PDSS2: variants seen among roughly 807,000 people sequenced by gnomAD.
PDSS2 encodes all trans-polyprenyl-diphosphate synthase PDSS2.
Under a neutral mutation model 44.5 loss-of-function variants are expected in PDSS2, and 31 were observed. The observed-to-expected ratio is 0.70, with a 90% CI of 0.52 to 0.94. PDSS2 has a LOEUF of 0.94. PDSS2 is among the 40% of genes least tolerant of loss of function. The probability of loss-of-function intolerance (pLI) is 0.00; values close to 1 mark genes in which losing one functional copy is unlikely to be tolerated. For missense variants in PDSS2, 452 were observed against 482.2 expected, an observed-to-expected ratio of 0.94 and a Z score of 0.59; for synonymous variants, 157 against 180.3, an observed-to-expected ratio of 0.87 and a Z score of 1.03.
rs1770799944 is a variant in PDSS2, at chr6:107,154,087, A to G, written c.*532T>C. On this transcript the variant is annotated 3_prime_UTR_variant, in exon 8 of 8. Coordinates refer to ENST00000369037, the MANE Select transcript of PDSS2 (RefSeq NM_020381.4). ...CAAAACTACATCTAAAAAAAAAATA[A>G]TAATAATCCAGAGACATAATTACAA... is the stretch of plus-strand genomic sequence containing the variant. The G allele has an allele frequency of 6.4e-6, 1 of 156,388 alleles. No individual in the cohort carries two copies. The highest frequency in any genetic ancestry group is 1.4e-5 in the Non-Finnish European group (1 of 70,730). 9.7% of individuals were successfully genotyped at this position (156,388 alleles called of 1,614,324 possible).
intron 2 of PDSS2, among the ~76,000 whole-genome samples, chr6:107,279,599 G>A (rs987589762): frequency 6.6e-6 from 1 of 152,142 alleles, no homozygotes; most frequent in South Asian, 2.1e-4. Context: ...GAGGGGGACT[G>A]GAGCAACACA....
At chr6:107,360,831 G>A (rs1778749792) in intron 1 of PDSS2, among the ~76,000 whole-genome samples, 1 of 152,172 alleles carries the variant, frequency 6.6e-6, no homozygotes, top group Non-Finnish European at 1.5e-5. Flanking sequence ...TCCAACATTA[G>A]AAATTTGGAC....
At chr6:107,234,884 A>G (rs1255857252) in intron 4 of PDSS2, among the ~76,000 whole-genome samples, 2 of 152,220 alleles carry the variant, frequency 1.3e-5, no homozygotes, top group African/African-American at 2.4e-5. Flanking sequence ...AAAAGTCATT[A>G]TAACATAAAT....
chr6:107,192,890 G>T (rs903743666), intron 7 of PDSS2, among the ~76,000 whole-genome samples: 1 of 152,172 alleles, frequency 6.6e-6, no homozygotes, highest in Non-Finnish European at 1.5e-5. Context: ...GAGGTTCCAG[G>T]TCAGCTCTGG....
intron 6 of PDSS2, among the ~76,000 whole-genome samples, chr6:107,205,136 C>T (rs1194229188): frequency 1.3e-5 from 2 of 152,304 alleles, no homozygotes; most frequent in Non-Finnish European, 2.9e-5. Context: ...TTCACGCACA[C>T]CAGTCTTGCC....
chr6:107,352,211 G>A (rs1269658339), intron 1 of PDSS2, among the ~76,000 whole-genome samples: 1 of 151,946 alleles, frequency 6.6e-6, no homozygotes. Context: ...TTATAAGGAT[G>A]GACCATGACT....
At chr6:107,269,333 C>CATGTGTCT (rs1775513637) in intron 3 of PDSS2, among the ~76,000 whole-genome samples, 4 of 80,288 alleles carry the variant, frequency 5.0e-5, no homozygotes, top group Admixed American at 4.9e-4. Context: ...AATCTCATTT[C>CATGTGTCT]GTGTGTCTGT....
At chr6:107,458,649 T>C (rs955640870) in intron 1 of PDSS2, among the ~76,000 whole-genome samples, 1 of 143,258 alleles carries the variant, frequency 7.0e-6, no homozygotes, top group Non-Finnish European at 1.5e-5. Context: ...TCTATCCCAT[T>C]AAAAAAAAAA....
chr6:107,434,584 T>C (rs1329125843), intron 1 of PDSS2, among the ~76,000 whole-genome samples: 2 of 152,144 alleles, frequency 1.3e-5, no homozygotes, highest in African/African-American at 4.8e-5. Flanking sequence ...AGTAGAATGA[T>C]AGTTACCAGA....
chr6:107,258,198 G>T (rs1028229562), intron 3 of PDSS2, among the ~76,000 whole-genome samples: 1 of 152,112 alleles, frequency 6.6e-6, no homozygotes, highest in Non-Finnish European at 1.5e-5. Flanking sequence ...TACTGCTTTA[G>T]ATTGCTGAAA....
intron 1 of PDSS2, among the ~76,000 whole-genome samples, chr6:107,372,895 T>C (rs556179269): frequency 6.6e-6 from 1 of 152,324 alleles, no homozygotes; most frequent in South Asian, 2.1e-4. Flanking sequence ...AATTTTCATG[T>C]TTCTCAATGT....
intron 7 of PDSS2, among the ~76,000 whole-genome samples, chr6:107,173,572 CAA>C (rs71012783): frequency 2.4e-3 from 98 of 41,480 alleles, no homozygotes; most frequent in African/African-American, 0.012. Flanking sequence ...GACTCTGTCT[CAA>C]AAAAAAAAAA....
chr6:107,210,798 G>T (rs1410516640), intron 5 of PDSS2, among the ~76,000 whole-genome samples: 1 of 151,984 alleles, frequency 6.6e-6, no homozygotes, highest in East Asian at 1.9e-4. Flanking sequence ...GAGGTCAGGA[G>T]TTTGAGACCA....
chr6:107,225,141 ATATATATATATATATATATATTTTTTT>A (rs1773751429), intron 4 of PDSS2, among the ~76,000 whole-genome samples: 1 of 39,468 alleles, frequency 2.5e-5, no homozygotes, highest in Admixed American at 2.5e-4. Context: ...ATATTTTTAT[ATATATATATATATATATATATTTTTTT>A]TTTTTTTTTT....
At chr6:107,454,079 A>C (rs1251401370) in intron 1 of PDSS2, among the ~76,000 whole-genome samples, 1 of 144,132 alleles carries the variant, frequency 6.9e-6, no homozygotes, top group African/African-American at 2.6e-5. Flanking sequence ...ACAAGGTATC[A>C]CTCCATTGCC....
chr6:107,161,531 G>T (rs11153053), intron 7 of PDSS2, among the ~76,000 whole-genome samples: 106,756 of 151,284 alleles, frequency 0.71, 38,834 homozygotes, highest in Non-Finnish European at 0.81. Context: ...TGTTCAATTT[G>T]TATTATAAAT....
At chr6:107,326,492 G>A (rs1043581693) in intron 2 of PDSS2, among the ~76,000 whole-genome samples, 1 of 152,010 alleles carries the variant, frequency 6.6e-6, no homozygotes, top group African/African-American at 2.4e-5. Context: ...GAAAATGTTC[G>A]GTCATGATTT....
chr6:107,340,647 A>G (rs551597964), intron 1 of PDSS2, among the ~76,000 whole-genome samples: 1 of 152,354 alleles, frequency 6.6e-6, no homozygotes, highest in African/African-American at 2.4e-5. Context: ...ACAAGCAGCT[A>G]TCAGTGCACA....
At chr6:107,293,407 C>T (rs1776408870) in intron 2 of PDSS2, among the ~76,000 whole-genome samples, 1 of 152,240 alleles carries the variant, frequency 6.6e-6, no homozygotes, top group Admixed American at 6.5e-5. Context: ...AAATACATCA[C>T]ATTCTGTGTC....
Sources: allele counts gnomAD v4.1 joint callset (sites outside exome capture counted in the v4.1 genomes callset), GRCh38; gene constraint gnomAD v4.1.1; transcripts MANE v1.5; gene names NCBI Gene and HGNC (gene_info 2026-07-23, HGNC 2026-07-21).